Variants in TMEM181 observed in about 807,000 individuals in gnomAD.
TMEM181 encodes the protein G protein-coupled receptor 178.
A neutral mutation model predicts 71.9 loss-of-function variants in TMEM181; 39 were observed. The ratio of observed to expected loss-of-function variants is 0.54; its 90% CI spans 0.42 to 0.71. The LOEUF (loss-of-function observed/expected upper bound fraction) is 0.71, where lower values mean the gene tolerates loss of function less well. TMEM181 is among the 30% of genes least tolerant of loss of function. The pLI is 0.00. For synonymous variants in TMEM181, 245 were observed against 228.8 expected, an observed-to-expected ratio of 1.07 and a Z score of -0.64; for missense variants, 595 against 583.0, an observed-to-expected ratio of 1.02 and a Z score of -0.21.
chr6:158,624,441 C>T (rs772771628), intron 11 of TMEM181, among the ~76,000 whole-genome samples: 2 of 152,200 alleles, frequency 1.3e-5, no homozygotes, highest in Non-Finnish European at 2.9e-5. Flanking sequence ...GGGGGGATGG[C>T]GTGGGCCGGA....
intron 10 of TMEM181, among the ~76,000 whole-genome samples, chr6:158,609,472 A>T (rs1287854136): frequency 6.6e-6 from 1 of 152,110 alleles, no homozygotes; most frequent in African/African-American, 2.4e-5. Flanking sequence ...CTGGGAGGCA[A>T]AACCCCAATG....
At chr6:158,625,070 G>T (rs1250076568) in intron 11 of TMEM181, 34 bp from the exon 12 acceptor site, 1 of 1,553,296 alleles carries the variant, frequency 6.4e-7, no homozygotes, top group Non-Finnish European at 8.9e-7. Context: ...CAGAGGCCCT[G>T]TTCCGACTCA....
At chr6:158,564,935 G>A (rs556446913) in intron 1 of TMEM181, among the ~76,000 whole-genome samples, 2 of 152,272 alleles carry the variant, frequency 1.3e-5, no homozygotes, top group East Asian at 1.9e-4. Context: ...GGGAGATGCC[G>A]GCATGAGTTG....
chr6:158,561,098 C>T (rs932922652), intron 1 of TMEM181, among the ~76,000 whole-genome samples: 4 of 152,262 alleles, frequency 2.6e-5, no homozygotes, highest in East Asian at 3.9e-4. Context: ...CTCCGAGGGG[C>T]CTGGGCGCGC....
At chr6:158,580,800 A>G in intron 2 of TMEM181, 140 bp from the exon 3 acceptor site, 6 of 658,602 alleles carry the variant, frequency 9.1e-6, no homozygotes, top group South Asian at 8.6e-5. Context: ...CTACTTACAC[A>G]TTGTATAATC....
At position 158,619,962 on chromosome 6, in the gene TMEM181, C is replaced by A. The variant is rs1055297512; in HGVS notation, c.897-3588C>A. Among the ~76,000 whole-genome samples, 8 of 151,622 alleles carry A rather than the reference C, an allele frequency of 5.3e-5. No individual in the cohort carries two copies. The East Asian group carries it at 1.4e-3, about 26-fold the overall frequency. ...AAGCCTGAGTATAGGGAACCTCTTG[C>A]CATTTGCCATTCCTGGTGATAAAAT... On this transcript the variant is annotated intron_variant, in intron 10 of 16. Transcript: ENST00000684151.
intron 1 of TMEM181, among the ~76,000 whole-genome samples, chr6:158,541,690 G>T (rs1781352941): frequency 6.6e-6 from 1 of 152,100 alleles, no homozygotes; most frequent in Admixed American, 6.5e-5. Flanking sequence ...AAAGGTCTGG[G>T]AGCCATGTTT....
chr6:158,616,093 A>G (rs1271440238), intron 10 of TMEM181, among the ~76,000 whole-genome samples: 1 of 151,976 alleles, frequency 6.6e-6, no homozygotes, highest in Non-Finnish European at 1.5e-5. Context: ...CATTTTCACG[A>G]TATTGATTCT....
chr6:158,587,452 A>T (rs1340552739), intron 5 of TMEM181, among the ~76,000 whole-genome samples: 1 of 151,958 alleles, frequency 6.6e-6, no homozygotes, highest in Non-Finnish European at 1.5e-5. Context: ...GCTTTAAAAA[A>T]CATGGAATTT....
At chr6:158,549,371 C>T (rs1173796183) in intron 1 of TMEM181, among the ~76,000 whole-genome samples, 1 of 152,158 alleles carries the variant, frequency 6.6e-6, no homozygotes, top group Non-Finnish European at 1.5e-5. Context: ...GCCTTGGCCT[C>T]CCAAAGTACT....
In TMEM181 at chr6:158,578,090, C is replaced by CA. The variant is rs200743164; in HGVS notation, c.113-2842dup. ...GGGCAACAAGAGCGAAACTCCATCTCAAAAAAAAGACAAAAAAACAAAGAA... is the reference window on the plus strand; with the variant it reads ...GGGCAACAAGAGCGAAACTCCATCTCAAAAAAAAAGACAAAAAAACAAAGAA... On this transcript the variant is annotated intron_variant, in intron 2 of 16. Coordinates refer to ENST00000684151, the MANE Select transcript of TMEM181 (RefSeq NM_001376852.1). 3.1e-3 allele frequency among the ~76,000 whole-genome samples: 473 copies of CA among 151,438 alleles called. 4 individuals are homozygous for CA. The highest frequency in any genetic ancestry group is 0.011 in the African/African-American group (434 of 41,266).
intron 6 of TMEM181, among the ~76,000 whole-genome samples, chr6:158,590,559 G>A (rs982362518): frequency 2.6e-5 from 4 of 152,164 alleles, no homozygotes; most frequent in Non-Finnish European, 5.9e-5. Context: ...CGCCTCCCGG[G>A]TTCAAGCAAT....
In TMEM181 at chr6:158,614,509, T is replaced by C. The variant is rs538544407; in HGVS notation, c.896+5759T>C. Among the ~76,000 whole-genome samples, 5 of 152,336 alleles carry C rather than the reference T, an allele frequency of 3.3e-5. No individual in the cohort carries two copies. The South Asian group carries it at 1.0e-3, about 32-fold the overall frequency. On this transcript the variant is annotated intron_variant, in intron 10 of 16. Coordinates refer to ENST00000684151, the MANE Select transcript of TMEM181 (RefSeq NM_001376852.1). ...AAAAAATTTTTTTTTAATTACACTT[T>C]AAGTTCTAGGGTACATGTGCACAAC...
chr6:158,583,549 C>T (rs1229666347), intron 3 of TMEM181, among the ~76,000 whole-genome samples: 2 of 152,186 alleles, frequency 1.3e-5, no homozygotes, highest in East Asian at 3.8e-4. Flanking sequence ...TGCCTGTAAC[C>T]TAGCGCTTTA....
chr6:158,571,578 A>G (rs10945552), intron 1 of TMEM181, among the ~76,000 whole-genome samples: 13,124 of 118,536 alleles, frequency 0.11, 610 homozygotes, highest in Middle Eastern at 0.18. Context: ...GATTATAGGC[A>G]TGAGCCACCG....
intron 1 of TMEM181, among the ~76,000 whole-genome samples, chr6:158,554,747 C>T (rs934105103): frequency 6.6e-6 from 1 of 152,084 alleles, no homozygotes; most frequent in Admixed American, 6.5e-5. Context: ...GTAAATGCAC[C>T]GAAACAAATA....
chr6:158,536,964 A>C (rs2128275477), intron 1 of TMEM181: 6 of 881,420 alleles, frequency 6.8e-6, no homozygotes, highest in Non-Finnish European at 7.0e-6. Flanking sequence ...GGTCCCGCCG[A>C]CGGCCGCCTC....
chr6:158,583,761 C>T (rs1783606048), intron 3 of TMEM181, among the ~76,000 whole-genome samples, 193 bp from the exon 4 acceptor site: 1 of 152,154 alleles, frequency 6.6e-6, no homozygotes, highest in Non-Finnish European at 1.5e-5. Flanking sequence ...GATCGCGCCA[C>T]TGCACTCTAG....
At position 158,573,489 on chromosome 6, in the gene TMEM181, C is replaced by T; in HGVS notation, c.78C>T (p.Ile26=). The T allele has an allele frequency of 6.2e-7, 1 of 1,608,038 alleles. No individual in the cohort carries two copies. The highest frequency in any genetic ancestry group is 1.3e-5 in the African/African-American group (1 of 74,922). ...HFVLVFVVFF[I]CFGLTIFVGI... ...TCCTCGTGTTTGTCGTCTTCTTCAT[C>T]TGCTTTGGCCTGACCATCTTCGTTG... The change falls in exon 2 of 17, where the codon ATC becomes ATT. Residue 26 remains isoleucine, a synonymous_variant. Coordinates refer to ENST00000684151, the MANE Select transcript of TMEM181 (RefSeq NM_001376852.1).
Sources: allele counts gnomAD v4.1 joint callset (sites outside exome capture counted in the v4.1 genomes callset), GRCh38; gene constraint gnomAD v4.1.1; transcripts MANE v1.5; gene names NCBI Gene and HGNC (gene_info 2026-07-23, HGNC 2026-07-21).